WRN: variants seen among roughly 807,000 people sequenced by gnomAD.
WRN encodes the protein bifunctional 3'-5' exonuclease/ATP-dependent helicase WRN.
Under a neutral mutation model 180.7 loss-of-function variants are expected in WRN, and 149 were observed. The observed-to-expected ratio is 0.82, with a 90% CI of 0.72 to 0.94. The LOEUF (loss-of-function observed/expected upper bound fraction) is 0.94, where lower values mean the gene tolerates loss of function less well. Ranked by LOEUF, WRN falls within the 40% of genes least tolerant of loss-of-function variation. The pLI, the probability that WRN is intolerant of heterozygous loss-of-function variation, is 0.00. For missense variants in WRN, 1,661 were observed against 1,700.1 expected, an observed-to-expected ratio of 0.98 and a Z score of 0.40; for synonymous variants, 548 against 568.9, an observed-to-expected ratio of 0.96 and a Z score of 0.52.
intron 3 of WRN, among the ~76,000 whole-genome samples, chr8:31,063,858 G>C (rs1374661676): frequency 6.6e-6 from 1 of 152,082 alleles, no homozygotes; most frequent in Non-Finnish European, 1.5e-5. Context: ...TGAGTAGCTG[G>C]GACTACAGGT....
intron 1 of WRN, among the ~76,000 whole-genome samples, chr8:31,053,038 A>T (rs1468332632): frequency 6.6e-6 from 1 of 152,182 alleles, no homozygotes; most frequent in African/African-American, 2.4e-5. Flanking sequence ...ACACTAATCC[A>T]GAAGATTATT....
In WRN at chr8:31,173,139, A is replaced by AT; in HGVS notation, c.*39dup. 6.4e-7 allele frequency: 1 copy of AT among 1,560,726 alleles called. No individual in the cohort carries two copies. The highest frequency in any genetic ancestry group is 8.8e-7 in the Non-Finnish European group (1 of 1,132,444). On this transcript the variant is annotated 3_prime_UTR_variant, in exon 35 of 35. Coordinates refer to ENST00000298139, the MANE Select transcript of WRN (RefSeq NM_000553.6). Reference sequence around the variant, plus strand: ...CCAGAACAATTATGTTTCTTGCTGTATTATAAGAGGATAGCTATATTTTAT... The same window carrying AT: ...CCAGAACAATTATGTTTCTTGCTGTATTTATAAGAGGATAGCTATATTTTAT...
chr8:31,173,446 A>T lies in WRN; in HGVS notation c.*344A>T, dbSNP rs778671247. On this transcript the variant is annotated 3_prime_UTR_variant, in exon 35 of 35. Transcript: ENST00000298139. ...GATTTGATATAGATAACAGATTAGT[A>T]GTTACATGGTAATTATGTGATATAA... 1 of 251,306 alleles carries T rather than the reference A, an allele frequency of 4.0e-6. No individual in the cohort carries two copies. Among genetic ancestry groups the T allele is most frequent in the Non-Finnish European group, 7.8e-6 (1 of 128,714 alleles). The allele number at this position is 251,306 out of a possible 1,614,324, so 15.6% of individuals were successfully genotyped here. A position where few individuals can be genotyped will look rare whatever the true frequency, so the allele number is the denominator to read the frequency against.
At chr8:31,064,886 C>T (rs752921218) in intron 4 of WRN, 29 bp from the exon 5 acceptor site, 3 of 1,611,666 alleles carry the variant, frequency 1.9e-6, no homozygotes, top group Non-Finnish European at 2.5e-6. Flanking sequence ...CTTGACAGAA[C>T]TTATGGAAAT....
chr8:31,058,513 G>T lies in WRN; in HGVS notation c.66G>T (p.Gln22His), dbSNP rs1812361355. 1 of 1,613,786 alleles carries T rather than the reference G, an allele frequency of 6.2e-7. No individual in the cohort carries two copies. Among genetic ancestry groups the T allele is most frequent in the Admixed American group, 1.7e-5 (1 of 60,022 alleles). ...AATGTCCTGAATGGATGAATGTGCAGAATAAAAGATGTGCTGTAGAAGAAA... is the reference window on the plus strand; with the variant it reads ...AATGTCCTGAATGGATGAATGTGCATAATAAAAGATGTGCTGTAGAAGAAA... ...QRKCPEWMNV[Q>H]NKRCAVEERK... The change falls in exon 2 of 35, where the codon CAG becomes CAT. Residue 22 changes from glutamine to histidine, a missense_variant. Physicochemically the swap from Gln to His is conservative, Grantham distance 24. Coordinates refer to ENST00000298139, the MANE Select transcript of WRN (RefSeq NM_000553.6).
At chr8:31,127,346 A>T (rs542421084) in intron 23 of WRN, among the ~76,000 whole-genome samples, 1 of 152,350 alleles carries the variant, frequency 6.6e-6, no homozygotes, top group South Asian at 2.1e-4. Context: ...GATGGGAGTT[A>T]GATGAATCTA....
chr8:31,075,109 G>C (rs2737320), intron 7 of WRN, among the ~76,000 whole-genome samples: 7,177 of 152,286 alleles, frequency 0.047, 443 homozygotes, highest in East Asian at 0.27. Context: ...CTCACTGGCA[G>C]TGATCAAGGA....
chr8:31,151,418 A>G (rs944710787), intron 31 of WRN, among the ~76,000 whole-genome samples: 1 of 152,224 alleles, frequency 6.6e-6, no homozygotes, highest in African/African-American at 2.4e-5. Context: ...TTTTGAATGT[A>G]GCATTTCCCT....
rs534171606 is a variant in WRN at position 31,175,201 on chromosome 8, C to T, written c.*2099C>T. Among the ~76,000 whole-genome samples the T allele has an allele frequency of 6.6e-6, 1 of 152,070 alleles. No individual in the cohort carries two copies. The highest frequency in any genetic ancestry group is 1.5e-5 in the Non-Finnish European group (1 of 68,010). ...CCTGTAATCCCAGCACTTTGGGAGG[C>T]CGAGGCGGGCGGATCACGAGATCAG... is the stretch of plus-strand genomic sequence containing the variant. On this transcript the variant is annotated 3_prime_UTR_variant, in exon 35 of 35. Transcript: ENST00000298139.
chr8:31,165,762 G>A (rs1245763068), intron 33 of WRN, among the ~76,000 whole-genome samples: 1 of 152,000 alleles, frequency 6.6e-6, no homozygotes, highest in Non-Finnish European at 1.5e-5. Context: ...ACAAATAAAA[G>A]GGAACTCAAA....
rs201643901 is a variant in WRN at position 31,080,874 on chromosome 8, A to T, written c.847A>T (p.Ile283Phe). The change falls in exon 9 of 35, where the codon ATC (isoleucine) becomes TTC (phenylalanine). Residue 283 changes from isoleucine (I) to phenylalanine (F), a missense_variant. Around this residue, in one of 3 missense-constraint regions of WRN, gnomAD observed 500 missense variants for 504.1 expected, o/e 0.99. Transcript: ENST00000298139. ...TCTTAATTTTTTTTTTAGGGTTTCT[A>T]TCTTACTAAAGGATATTTCAGAAAA... ...SKLENPRRVS[I>F]LLKDISENLY... The T allele has an allele frequency of 3.7e-6, 6 of 1,604,314 alleles. No homozygotes were observed. Among genetic ancestry groups the T allele is most frequent in the Non-Finnish European group, 2.5e-6 (3 of 1,176,844 alleles).
At chr8:31,083,365 C>T (rs1813395465) in intron 9 of WRN, among the ~76,000 whole-genome samples, 1 of 152,168 alleles carries the variant, frequency 6.6e-6, no homozygotes, top group South Asian at 2.1e-4. Context: ...AGTTCTTATA[C>T]TCAAAAAGTT....
chr8:31,094,388 C>T (rs1269300004), intron 16 of WRN, among the ~76,000 whole-genome samples: 16 of 150,762 alleles, frequency 1.1e-4, no homozygotes, highest in Admixed American at 5.3e-4. Flanking sequence ...CTCTGTCTCC[C>T]GGGCTGGAGT....
intron 18 of WRN, among the ~76,000 whole-genome samples, chr8:31,105,247 T>C (rs962552242): frequency 2.0e-5 from 3 of 152,216 alleles, no homozygotes; most frequent in African/African-American, 7.2e-5. Flanking sequence ...TATTAAAATC[T>C]TCATACTTTT....
At chr8:31,092,168 A>G (rs1170538195) in intron 16 of WRN, among the ~76,000 whole-genome samples, 1 of 152,150 alleles carries the variant, frequency 6.6e-6, no homozygotes, top group Non-Finnish European at 1.5e-5. Context: ...AAACTTGAAG[A>G]AATCTGTTAT....
At chr8:31,126,919 A>G (rs1020597930) in intron 23 of WRN, among the ~76,000 whole-genome samples, 1 of 152,230 alleles carries the variant, frequency 6.6e-6, no homozygotes, top group African/African-American at 2.4e-5. Context: ...CCTCCCAGGT[A>G]TTACTAGGGA....
At chr8:31,068,201 A>G in intron 6 of WRN, 57 bp from the exon 7 acceptor site, 1 of 1,295,464 alleles carries the variant, frequency 7.7e-7, no homozygotes, top group Non-Finnish European at 1.1e-6. Context: ...GATGGGACTT[A>G]CTGTTTTATT....
intron 5 of WRN, among the ~76,000 whole-genome samples, 175 bp from the exon 6 acceptor site, chr8:31,066,858 C>T (rs192972736): frequency 6.6e-6 from 1 of 152,080 alleles, no homozygotes; most frequent in Non-Finnish European, 1.5e-5. Flanking sequence ...TAAATTCTTA[C>T]AATGTGGACT....
chr8:31,147,591 T>G (rs1024531412), intron 30 of WRN, 115 bp downstream of exon 30: 3 of 948,212 alleles, frequency 3.2e-6, no homozygotes, highest in Non-Finnish European at 5.0e-6. Context: ...GGGAGGTGAC[T>G]CAGATTCCCC....
Sources: allele counts gnomAD v4.1 joint callset (sites outside exome capture counted in the v4.1 genomes callset), GRCh38; gene constraint gnomAD v4.1.1; regional missense constraint gnomAD v4.1.1; transcripts MANE v1.5; gene names NCBI Gene and HGNC (gene_info 2026-07-23, HGNC 2026-07-21).